Variants in SNTG1 observed in about 807,000 individuals in gnomAD.
SNTG1 encodes gamma-1-syntrophin.
A neutral mutation model predicts 74.7 loss-of-function variants in SNTG1; 39 were observed. The observed-to-expected ratio is 0.52, with a 90% CI of 0.40 to 0.68. The LOEUF (loss-of-function observed/expected upper bound fraction) is 0.68, where lower values mean the gene tolerates loss of function less well. Among genes scored for constraint, SNTG1 ranks in the 30% least tolerant of loss-of-function variants. The probability of loss-of-function intolerance (pLI) is 0.00; values close to 1 mark genes in which losing one functional copy is unlikely to be tolerated. For synonymous variants in SNTG1, 254 were observed against 217.1 expected (o/e 1.17, Z -1.49); for missense variants, 685 against 609.5 (o/e 1.12, Z -1.30).
chr8:50,363,441 G>T (rs569214862), intron 2 of SNTG1, among the ~76,000 whole-genome samples: 39 of 152,248 alleles, frequency 2.6e-4, no homozygotes, highest in Middle Eastern at 3.4e-3. Flanking sequence ...GCTGGTCATT[G>T]CAATCAGGCT....
At chr8:50,226,176 T>G (rs1443114347) in intron 2 of SNTG1, among the ~76,000 whole-genome samples, 1 of 152,154 alleles carries the variant, frequency 6.6e-6, no homozygotes. Context: ...AAGCTCTGAT[T>G]TTTTTATCTT....
chr8:50,145,282 CAG>C (rs1177820553), intron 1 of SNTG1, among the ~76,000 whole-genome samples: 1 of 152,094 alleles, frequency 6.6e-6, no homozygotes, highest in African/African-American at 2.4e-5. Context: ...AGTCTTGAAA[CAG>C]ATAAATATGA....
At chr8:50,259,905 G>A (rs181032573) in intron 2 of SNTG1, among the ~76,000 whole-genome samples, 43 of 152,228 alleles carry the variant, frequency 2.8e-4, no homozygotes, top group African/African-American at 9.4e-4. Flanking sequence ...TTGGGAAACC[G>A]AAGCTGTAAT....
intron 2 of SNTG1, among the ~76,000 whole-genome samples, chr8:50,280,277 ATAGT>A (rs773723509): frequency 1.1e-4 from 17 of 152,344 alleles, no homozygotes; most frequent in African/African-American, 2.4e-4. Context: ...ACAAATGTTA[ATAGT>A]TAGAGCAAAG....
intron 17 of SNTG1, among the ~76,000 whole-genome samples, chr8:50,731,366 G>A (rs891614522): frequency 9.9e-5 from 15 of 152,032 alleles, no homozygotes; most frequent in Non-Finnish European, 1.2e-4. Flanking sequence ...ATGAGAAAAA[G>A]GGAGACAAAT....
chr8:50,513,415 C>T (rs890067571), intron 9 of SNTG1, among the ~76,000 whole-genome samples: 2 of 152,226 alleles, frequency 1.3e-5, no homozygotes, highest in African/African-American at 4.8e-5. Flanking sequence ...CAGCTGTGTG[C>T]TTGGAGAACC....
chr8:50,602,566 G>T (rs1445120573), intron 13 of SNTG1, among the ~76,000 whole-genome samples: 2 of 152,094 alleles, frequency 1.3e-5, no homozygotes, highest in Non-Finnish European at 2.9e-5. Flanking sequence ...ATAATAGTTT[G>T]TGTTTTTCTG....
intron 12 of SNTG1, among the ~76,000 whole-genome samples, chr8:50,566,688 C>G (rs151316929): frequency 1.3e-5 from 2 of 151,184 alleles, no homozygotes; most frequent in South Asian, 2.1e-4. Context: ...ATTGTTTAAT[C>G]AATCAAGGGA....
At chr8:50,386,405 C>T (rs1032289667) in intron 2 of SNTG1, among the ~76,000 whole-genome samples, 32 of 150,728 alleles carry the variant, frequency 2.1e-4, no homozygotes, top group African/African-American at 7.1e-4. Context: ...ATTTATTTGC[C>T]CTGGTAAAAG....
At chr8:50,278,124 G>C (rs2088222541) in intron 2 of SNTG1, among the ~76,000 whole-genome samples, 1 of 151,980 alleles carries the variant, frequency 6.6e-6, no homozygotes, top group South Asian at 2.1e-4. Flanking sequence ...AATGAGCCAA[G>C]ATCGCACCAT....
intron 13 of SNTG1, among the ~76,000 whole-genome samples, chr8:50,636,734 GTGTT>G (rs780876602): frequency 1.7e-4 from 26 of 152,124 alleles, no homozygotes; most frequent in Non-Finnish European, 2.8e-4. Flanking sequence ...ATCAGGTACT[GTGTT>G]TGCTCACCTG....
intron 2 of SNTG1, among the ~76,000 whole-genome samples, chr8:50,318,326 T>TA (rs544083037): frequency 8.1e-4 from 124 of 152,322 alleles, no homozygotes; most frequent in African/African-American, 2.9e-3. Context: ...AAGCATTGGA[T>TA]ACAATGCCTA....
intron 10 of SNTG1, among the ~76,000 whole-genome samples, chr8:50,533,367 G>C (rs2094284309): frequency 6.6e-6 from 1 of 152,184 alleles, no homozygotes; most frequent in Admixed American, 6.5e-5. Flanking sequence ...AGTTGTTCTT[G>C]AGGATATTGT....
intron 15 of SNTG1, among the ~76,000 whole-genome samples, chr8:50,703,881 C>T (rs892630996): frequency 4.6e-5 from 7 of 152,226 alleles, no homozygotes; most frequent in South Asian, 4.1e-4. Context: ...CATCCTTATG[C>T]GGCACATGAC....
intron 1 of SNTG1, among the ~76,000 whole-genome samples, chr8:49,954,697 A>G (rs2129396192): frequency 6.6e-6 from 1 of 152,172 alleles, no homozygotes; most frequent in East Asian, 1.9e-4. Flanking sequence ...GACAAAGCTT[A>G]TTTTCATTAT....
intron 9 of SNTG1, among the ~76,000 whole-genome samples, chr8:50,512,168 C>T (rs2094084271): frequency 6.6e-6 from 1 of 152,034 alleles, no homozygotes; most frequent in Non-Finnish European, 1.5e-5. Context: ...TTCTCCTTCA[C>T]TTATGAAGCT....
At chr8:50,329,752 G>T (rs768604059) in intron 2 of SNTG1, among the ~76,000 whole-genome samples, 1 of 151,958 alleles carries the variant, frequency 6.6e-6, no homozygotes, top group Non-Finnish European at 1.5e-5. Context: ...TTAGTGATTA[G>T]CATATGGCTC....
chr8:50,738,571 A>T (rs1261518750), intron 17 of SNTG1, among the ~76,000 whole-genome samples: 1 of 152,136 alleles, frequency 6.6e-6, no homozygotes, highest in Non-Finnish European at 1.5e-5. Context: ...CAAATTTCAT[A>T]TGAAACTGAA....
Position 50,175,882 on chromosome 8 carries a change from T to A in SNTG1, c.-28+3247T>A, listed in dbSNP as rs28546668. 4.1e-3 allele frequency among the ~76,000 whole-genome samples: 622 copies of A among 152,254 alleles called. 3 individuals carry two copies. Among genetic ancestry groups the A allele is most frequent in the African/African-American group, 0.014 (600 of 41,534 alleles). On this transcript the variant is annotated intron_variant, in intron 2 of 18. Coordinates refer to ENST00000642720, the MANE Select transcript of SNTG1 (RefSeq NM_018967.5). ...ATCTCTTTGCCTCTTCATGTTTAATTCATGCTCATATTTGCCCACATTTAA... is the reference window on the plus strand; with the variant it reads ...ATCTCTTTGCCTCTTCATGTTTAATACATGCTCATATTTGCCCACATTTAA...
Sources: gnomAD v4.1 joint callset for allele counts (sites outside exome capture counted in the v4.1 genomes callset) on GRCh38, gnomAD v4.1.1 for gene constraint, MANE v1.5 for transcripts, NCBI Gene and HGNC (gene_info 2026-07-23, HGNC 2026-07-21) for gene names.